The following VGLL3 variants were observed in gnomAD, a reference collection of about 807,000 sequenced individuals.
VGLL3 encodes transcription cofactor vestigial-like protein 3.
Under a neutral mutation model 29.2 loss-of-function variants are expected in VGLL3, and 18 were observed. The ratio of observed to expected loss-of-function variants is 0.62; its 90% CI spans 0.43 to 0.91. The LOEUF (loss-of-function observed/expected upper bound fraction) is 0.91. Among genes scored for constraint, VGLL3 ranks in the 40% least tolerant of loss-of-function variants. The probability of loss-of-function intolerance (pLI) is 0.00; values close to 1 mark genes in which losing one functional copy is unlikely to be tolerated. For synonymous variants in VGLL3, 180 were observed against 151.8 expected (o/e 1.19, Z -1.36); for missense variants, 440 against 413.2 (o/e 1.06, Z -0.56).
chr3:86,953,051 A>G (rs952984663), intron 3 of VGLL3, among the ~76,000 whole-genome samples: 11 of 152,158 alleles, frequency 7.2e-5, no homozygotes, highest in African/African-American at 2.7e-4. Context: ...AGAGAAGGCT[A>G]CTCAATCTGA....
chr3:86,967,895 C>T (rs940962970), intron 3 of VGLL3, among the ~76,000 whole-genome samples: 1 of 152,140 alleles, frequency 6.6e-6, no homozygotes, highest in Non-Finnish European at 1.5e-5. Context: ...GTGAAGAAAT[C>T]ATTTCCTTAC....
rs1559716437 is a variant in VGLL3 at position 86,944,084 on chromosome 3, T to C, written c.*2940A>G. 1 of 152,166 alleles carries C rather than the reference T, an allele frequency of 6.6e-6. No individual in the cohort carries two copies. Among genetic ancestry groups the C allele is most frequent in the African/African-American group, 2.4e-5 (1 of 41,434 alleles). 9.4% of individuals were successfully genotyped at this position (152,166 alleles called of 1,614,324 possible). A position where few individuals can be genotyped will look rare whatever the true frequency, so the allele number is the denominator to read the frequency against. ...GACAGGATTTTAAACTTGGAATGAA[T>C]TCAGAATATTATGCTAAATTACAAC... On this transcript the variant is annotated 3_prime_UTR_variant, in exon 4 of 4. Coordinates refer to ENST00000398399, the MANE Select transcript of VGLL3 (RefSeq NM_016206.4).
chr3:86,947,970 C>T (rs1478932877), intron 3 of VGLL3, among the ~76,000 whole-genome samples: 1 of 151,350 alleles, frequency 6.6e-6, no homozygotes, highest in African/African-American at 2.4e-5. Flanking sequence ...TTCTTTCCAG[C>T]TTCATTGAAA....
At chr3:86,963,832 G>C (rs973576450) in intron 3 of VGLL3, among the ~76,000 whole-genome samples, 3 of 152,192 alleles carry the variant, frequency 2.0e-5, no homozygotes, top group Non-Finnish European at 4.4e-5. Context: ...GAGCTGGGCT[G>C]ACAAAATCAG....
intron 3 of VGLL3, chr3:86,961,789 G>T (rs1034507294): frequency 4.9e-6 from 2 of 408,800 alleles, no homozygotes; most frequent in African/African-American, 4.3e-5. Context: ...ATTCACAAAA[G>T]TTGAAAACTA....
In VGLL3 at chr3:86,969,104, G is replaced by A. The variant is rs765088123; in HGVS notation, c.423C>T (p.Ser141=). Residue 141 remains serine (S), a synonymous_variant, in exon 3 of 4, where the codon AGC becomes AGT. Coordinates refer to ENST00000398399, the MANE Select transcript of VGLL3 (RefSeq NM_016206.4). The stretch of plus-strand genomic sequence containing the variant: ...AGGAAGTTGGGAAACTATTCCGCTG[G>A]CTTGAGAGAGCTGAGCTGTCTGAGA... ...PLWRDSSALS[S]QRNSFPTSFW... 1.6e-5 allele frequency: 26 copies of A among 1,601,124 alleles called. No homozygotes were observed. The highest frequency in any genetic ancestry group is 2.0e-5 in the Non-Finnish European group (23 of 1,171,916).
chr3:86,990,957 A>T lies in VGLL3; in HGVS notation c.-214T>A. 9.4e-7 allele frequency: 1 copy of T among 1,060,128 alleles called. No homozygotes were observed. The highest frequency in any genetic ancestry group is 1.1e-6 in the Non-Finnish European group (1 of 877,350). The allele number at this position is 1,060,128 out of a possible 1,614,324, so 65.7% of individuals were successfully genotyped here. On this transcript the variant is annotated 5_prime_UTR_variant, in exon 1 of 4. It removes an upstream start codon present in the reference 5' UTR. Transcript: ENST00000398399. ...CGGGGGCCCATGCGCGGGCACCTTC[A>T]TCTTCAGCCCCTCCGGATGTTCCCT... is the stretch of plus-strand genomic sequence containing the variant.
chr3:86,978,967 G>A (rs1435583945), intron 1 of VGLL3, among the ~76,000 whole-genome samples, 165 bp from the exon 2 acceptor site: 2 of 152,018 alleles, frequency 1.3e-5, no homozygotes, highest in Admixed American at 6.6e-5. Flanking sequence ...CAAACCAGTT[G>A]CCTCCTTCCC....
At chr3:86,966,099 G>A (rs901222596) in intron 3 of VGLL3, among the ~76,000 whole-genome samples, 3 of 152,022 alleles carry the variant, frequency 2.0e-5, no homozygotes, top group Non-Finnish European at 2.9e-5. Flanking sequence ...GGCCAGCCTC[G>A]ATGCATGATG....
chr3:86,962,656 T>TAAGAGAACCTCA, intron 3 of VGLL3: 1 of 883,320 alleles, frequency 1.1e-6, no homozygotes, highest in Non-Finnish European at 1.4e-6. Context: ...AAAGTGAGGT[T>TAAGAGAACCTCA]CTCTTAACCC....
intron 3 of VGLL3, among the ~76,000 whole-genome samples, chr3:86,949,640 C>T (rs1704574432): frequency 6.6e-6 from 1 of 151,666 alleles, no homozygotes; most frequent in Non-Finnish European, 1.5e-5. Context: ...TCCTGGCTAA[C>T]ACGGTGAAAC....
intron 2 of VGLL3, among the ~76,000 whole-genome samples, chr3:86,974,937 C>T (rs995163604): frequency 6.6e-6 from 1 of 152,124 alleles, no homozygotes; most frequent in African/African-American, 2.4e-5. Flanking sequence ...TTCTATGTGT[C>T]AAATGAGTGG....
chr3:86,962,370 C>T (rs986725550), intron 3 of VGLL3: 8 of 985,008 alleles, frequency 8.1e-6, no homozygotes, highest in Non-Finnish European at 9.6e-6. Flanking sequence ...CTTGCACAGC[C>T]CTCACAGTAT....
intron 1 of VGLL3, among the ~76,000 whole-genome samples, chr3:86,989,470 A>G (rs1175807606): frequency 1.3e-5 from 2 of 152,336 alleles, no homozygotes; most frequent in East Asian, 1.9e-4. Context: ...GGAAAGTTAG[A>G]TTTCTTTCTA....
At position 86,967,185 on chromosome 3, in the gene VGLL3, G is replaced by A. The variant is rs530930674; in HGVS notation, c.937+1405C>T. On this transcript the variant is annotated intron_variant, in intron 3 of 3. Transcript: ENST00000398399. ...GAGCATTGTTGCTGTTGCCACATAA[G>A]TACCACATAAAACAGAGAAGAGCCT... 2.7e-4 allele frequency among the ~76,000 whole-genome samples: 41 copies of A among 152,226 alleles called. No individual in the cohort carries two copies. In the South Asian group the frequency reaches 8.5e-3, roughly 32 times the overall value.
At chr3:86,949,548 TG>T (rs1353168380) in intron 3 of VGLL3, among the ~76,000 whole-genome samples, 1 of 150,960 alleles carries the variant, frequency 6.6e-6, no homozygotes, top group Non-Finnish European at 1.5e-5. Flanking sequence ...CAGGGCTGGC[TG>T]GGCGCGGTGG....
intron 3 of VGLL3, among the ~76,000 whole-genome samples, chr3:86,965,264 T>C (rs1461045665): frequency 6.6e-6 from 1 of 152,198 alleles, no homozygotes; most frequent in Non-Finnish European, 1.5e-5. Context: ...AAATGACCTA[T>C]ATTTTAATGG....
At chr3:86,950,263 A>G (rs1180165409) in intron 3 of VGLL3, among the ~76,000 whole-genome samples, 1 of 152,194 alleles carries the variant, frequency 6.6e-6, no homozygotes, top group Non-Finnish European at 1.5e-5. Flanking sequence ...AAATCATAAA[A>G]ATGAAGTGAC....
chr3:86,977,378 G>A (rs1043560919), intron 2 of VGLL3, among the ~76,000 whole-genome samples: 1 of 152,088 alleles, frequency 6.6e-6, no homozygotes, highest in Non-Finnish European at 1.5e-5. Flanking sequence ...TTCCTGTGCT[G>A]CCCAGAAGGT....
Sources: gnomAD v4.1 joint callset for allele counts (sites outside exome capture counted in the v4.1 genomes callset) on GRCh38, gnomAD v4.1.1 for gene constraint, MANE v1.5 for transcripts, NCBI Gene and HGNC (gene_info 2026-07-23, HGNC 2026-07-21) for gene names.